The following GASK1B variants were observed in gnomAD, a reference collection of about 807,000 sequenced individuals.
The protein encoded by GASK1B is golgi associated kinase 1B, also known as Golgi-associated kinase 1B.
GASK1B carries 34 observed loss-of-function variants against 42.8 expected under a neutral mutation model. The observed-to-expected ratio is 0.79, with a 90% CI of 0.60 to 1.06. The LOEUF (loss-of-function observed/expected upper bound fraction) is 1.06, where lower values mean the gene tolerates loss of function less well. Ranked by LOEUF, GASK1B falls within the 50% of genes least tolerant of loss-of-function variation. The pLI is 0.00. For missense variants in GASK1B, 686 were observed against 661.0 expected (o/e 1.04, Z -0.42); for synonymous variants, 262 against 259.1 (o/e 1.01, Z -0.11).
At chr4:158,168,234 C>T (rs1471536118) in intron 2 of GASK1B, 1 of 152,024 alleles carries the variant, frequency 6.6e-6, no homozygotes, top group Admixed American at 6.5e-5. Flanking sequence ...TCACCACTAC[C>T]ATATGAAAGG....
At chr4:158,138,174 A>G (rs1037208013) in intron 3 of GASK1B, among the ~76,000 whole-genome samples, 2 of 152,200 alleles carry the variant, frequency 1.3e-5, no homozygotes, top group Non-Finnish European at 2.9e-5. Flanking sequence ...GCACCTCTCA[A>G]TAAGAACCAG....
intron 2 of GASK1B, chr4:158,170,012 G>A: frequency 3.6e-6 from 2 of 555,516 alleles, no homozygotes; most frequent in South Asian, 2.5e-5. Flanking sequence ...CGCGGCTTAA[G>A]AAGATTCCAT....
At chr4:158,138,800 T>TC (rs1290851135) in intron 3 of GASK1B, among the ~76,000 whole-genome samples, 1 of 152,158 alleles carries the variant, frequency 6.6e-6, no homozygotes, top group East Asian at 1.9e-4. Flanking sequence ...AAATCAGTTC[T>TC]CTTTTGAAAA....
intron 2 of GASK1B, chr4:158,159,425 G>T: frequency 2.7e-6 from 1 of 375,538 alleles, no homozygotes; most frequent in Admixed American, 3.6e-5. Flanking sequence ...TTAATATAAG[G>T]CTTTTGAAAG....
intron 2 of GASK1B, 66 bp downstream of exon 2, chr4:158,170,400 A>AG: frequency 6.2e-7 from 1 of 1,614,112 alleles, no homozygotes; most frequent in Non-Finnish European, 8.5e-7. Flanking sequence ...AAAGAGAGTG[A>AG]GGGAAAAAAG....
chr4:158,138,761 T>C (rs916646424), intron 3 of GASK1B, among the ~76,000 whole-genome samples: 1 of 152,106 alleles, frequency 6.6e-6, no homozygotes, highest in African/African-American at 2.4e-5. Flanking sequence ...ACAAATCTAA[T>C]AGCTATTTTA....
chr4:158,138,471 T>C (rs183521060), intron 3 of GASK1B, among the ~76,000 whole-genome samples: 42 of 152,328 alleles, frequency 2.8e-4, no homozygotes, highest in Admixed American at 2.3e-3. Context: ...TTTAAATGCT[T>C]TCTTCAGTGA....
At chr4:158,153,169 A>C (rs560981738) in intron 3 of GASK1B, among the ~76,000 whole-genome samples, 1 of 152,346 alleles carries the variant, frequency 6.6e-6, no homozygotes, top group East Asian at 1.9e-4. Flanking sequence ...TACAAAATTA[A>C]TGTACACAAA....
chr4:158,139,749 C>A (rs1447023179), intron 3 of GASK1B, among the ~76,000 whole-genome samples: 1 of 152,116 alleles, frequency 6.6e-6, no homozygotes, highest in Non-Finnish European at 1.5e-5. Context: ...ACTTGCTATG[C>A]TTTCCAAACA....
chr4:158,136,979 A>G (rs1445467537), intron 3 of GASK1B, among the ~76,000 whole-genome samples: 2 of 152,222 alleles, frequency 1.3e-5, no homozygotes, highest in Non-Finnish European at 1.5e-5. Flanking sequence ...ATGCTCCTCC[A>G]AAGCACTGTT....
rs960520756 is a variant in GASK1B at position 158,158,077 on chromosome 4, T to C, written c.911-2252A>G. Reference sequence around the variant, plus strand: ...TATGGTTAGAGCTCAGACTCTGGAATCCAACAAAATCTGGTCACATTATGT... The same window carrying C: ...TATGGTTAGAGCTCAGACTCTGGAACCCAACAAAATCTGGTCACATTATGT... On this transcript the variant is annotated intron_variant, in intron 2 of 4. Coordinates refer to ENST00000585682, the MANE Select transcript of GASK1B (RefSeq NM_001128424.2). Among the ~76,000 whole-genome samples, 6 of 152,130 alleles carry C rather than the reference T, an allele frequency of 3.9e-5. No homozygotes were observed. The South Asian group carries it at 1.2e-3, about 32-fold the overall frequency.
chr4:158,149,116 T>C (rs1180160209), intron 3 of GASK1B, among the ~76,000 whole-genome samples: 1 of 152,160 alleles, frequency 6.6e-6, no homozygotes, highest in African/African-American at 2.4e-5. Context: ...ATCCTCTCTA[T>C]CATTGACAGC....
intron 2 of GASK1B, chr4:158,169,968 A>AGGG (rs571962264): frequency 7.4e-5 from 33 of 446,312 alleles, no homozygotes; most frequent in African/African-American, 6.6e-4. Context: ...TTGAAAAAAA[A>AGGG]AGGGGGGGTT....
In GASK1B at chr4:158,125,500, A is replaced by G. The variant is rs889947587; in HGVS notation, c.*1907T>C. 1 of 152,186 alleles carries G rather than the reference A, an allele frequency of 6.6e-6. No homozygotes were observed. Among genetic ancestry groups the G allele is most frequent in the Non-Finnish European group, 1.5e-5 (1 of 68,024 alleles). The allele number at this position is 152,186 out of a possible 1,614,324, so 9.4% of individuals were successfully genotyped here. On this transcript the variant is annotated 3_prime_UTR_variant, in exon 5 of 5. Transcript: ENST00000585682. ...GCAACTTGCCAAAAGAGTTATTTCAAGTCAGTGGCTCAAAGTAGGATTCCA... is the reference window on the plus strand; with the variant it reads ...GCAACTTGCCAAAAGAGTTATTTCAGGTCAGTGGCTCAAAGTAGGATTCCA...
chr4:158,140,880 A>G (rs1369975825), intron 3 of GASK1B, among the ~76,000 whole-genome samples: 1 of 152,246 alleles, frequency 6.6e-6, no homozygotes, highest in Non-Finnish European at 1.5e-5. Context: ...AAAATTCACC[A>G]CAAGGGTGGA....
chr4:158,169,969 A>AGGG, intron 2 of GASK1B: 1 of 438,280 alleles, frequency 2.3e-6, no homozygotes, highest in Non-Finnish European at 4.0e-6. Flanking sequence ...TGAAAAAAAA[A>AGGG]GGGGGGGTTA....
intron 3 of GASK1B, among the ~76,000 whole-genome samples, chr4:158,146,008 T>C (rs1731316370): frequency 6.6e-6 from 1 of 152,342 alleles, no homozygotes; most frequent in East Asian, 1.9e-4. Flanking sequence ...ATTTGTTTGA[T>C]TCTTTTATTT....
chr4:158,127,423 A>G lies in GASK1B; in HGVS notation c.1544T>C (p.Leu515Ser), dbSNP rs770954570. 7 of 1,613,238 alleles carry G rather than the reference A, an allele frequency of 4.3e-6. No homozygotes were observed. In the South Asian group the frequency reaches 5.5e-5, roughly 13 times the overall value. Residue 515 changes from leucine to serine, a missense_variant, in exon 5 of 5, where the codon TTA becomes TCA. Physicochemically the swap from Leu to Ser is moderately radical, Grantham distance 145 (BLOSUM62 -2). Transcript: ENST00000585682. ...TYINAHGVKV[L>S]PMNE Reference sequence around the variant, plus strand: ...ATTCTTTTGTCATTCATTCATAGGTAATACTTTGACCCCGTGTGCATTGAT... The same window carrying G: ...ATTCTTTTGTCATTCATTCATAGGTGATACTTTGACCCCGTGTGCATTGAT...
chr4:158,165,246 G>A (rs888780111), intron 2 of GASK1B, among the ~76,000 whole-genome samples: 1 of 152,162 alleles, frequency 6.6e-6, no homozygotes, highest in African/African-American at 2.4e-5. Context: ...ATCACAGAAC[G>A]GTGCTTGGTT....
Sources: gnomAD v4.1 joint callset for allele counts (sites outside exome capture counted in the v4.1 genomes callset) on GRCh38, gnomAD v4.1.1 for gene constraint, MANE v1.5 for transcripts, NCBI Gene and HGNC (gene_info 2026-07-23, HGNC 2026-07-21) for gene names.